SLCO3A1: variants seen among roughly 807,000 people sequenced by gnomAD.
SLCO3A1 encodes solute carrier organic anion transporter family member 3A1, also known as PGE1 transporter.
SLCO3A1 carries 27 observed loss-of-function variants against 63.1 expected under a neutral mutation model. The ratio of observed to expected loss-of-function variants is 0.43; its 90% CI spans 0.32 to 0.59. The LOEUF (loss-of-function observed/expected upper bound fraction) is 0.59. Among genes scored for constraint, SLCO3A1 ranks in the 20% least tolerant of loss-of-function variants. The pLI, the probability that SLCO3A1 is intolerant of heterozygous loss-of-function variation, is 0.09. For missense variants in SLCO3A1, 773 were observed against 945.8 expected (o/e 0.82, Z 2.40); for synonymous variants, 473 against 409.9 (o/e 1.15, Z -1.86).
In SLCO3A1 at chr15:91,883,844, G is replaced by T. The variant is rs1393708736; in HGVS notation, c.180+29756G>T. ...TTCTGTGGGTCCACACCCCGTGCCA[G>T]GCACCGTGTTACATGCATTTCTTCT... is the stretch of plus-strand genomic sequence containing the variant. On this transcript the variant is annotated intron_variant, in intron 1 of 9. Coordinates refer to ENST00000318445, the MANE Select transcript of SLCO3A1 (RefSeq NM_013272.4). The surrounding 1 kb of genome is among the most constrained non-coding windows in gnomAD (Gnocchi z 4.8). Among the ~76,000 whole-genome samples, 1 of 152,154 alleles carries T rather than the reference G, an allele frequency of 6.6e-6. No homozygotes were observed. The highest frequency in any genetic ancestry group is 2.1e-4 in the South Asian group (1 of 4,830).
At chr15:91,896,398 A>G (rs1261863961) in intron 1 of SLCO3A1, among the ~76,000 whole-genome samples, 1 of 152,246 alleles carries the variant, frequency 6.6e-6, no homozygotes, top group Non-Finnish European at 1.5e-5. Flanking sequence ...GACTCCAGGT[A>G]GAAATGACAC....
rs1409080334 is a variant in SLCO3A1, at chr15:92,171,659, C to T, written c.1997-121C>T. The T allele has an allele frequency of 4.2e-6, 3 of 712,418 alleles. No homozygotes were observed. In the East Asian group the frequency reaches 8.2e-5, roughly 19 times the overall value. The allele number at this position is 712,418 out of a possible 1,614,324, so 44.1% of individuals were successfully genotyped here. A position where few individuals can be genotyped will look rare whatever the true frequency, so the allele number is the denominator to read the frequency against. ...CCCAGCACTTTATTGCTTTGACTGCCTACTCTTGTCCCTTCACTGCAAAGC... is the reference window on the plus strand; with the variant it reads ...CCCAGCACTTTATTGCTTTGACTGCTTACTCTTGTCCCTTCACTGCAAAGC... On this transcript the variant is annotated intron_variant, in intron 10 of 10. Transcript: ENST00000424469.
chr15:91,872,669 A>C lies in SLCO3A1; in HGVS notation c.180+18581A>C, dbSNP rs1312492176. ...CTTTGATCACACCACGCCTTGAAAA[A>C]ATTCGCAGCTGAATGCTTCAGTGTC... On this transcript the variant is annotated intron_variant, in intron 1 of 9. Transcript: ENST00000318445. The surrounding 1 kb of genome is among the most constrained non-coding windows in gnomAD (Gnocchi z 4.1). Among the ~76,000 whole-genome samples, 1 of 152,224 alleles carries C rather than the reference A, an allele frequency of 6.6e-6. No individual in the cohort carries two copies. The highest frequency in any genetic ancestry group is 1.5e-5 in the Non-Finnish European group (1 of 68,030).
chr15:92,147,746 C>A (rs1304270202), intron 8 of SLCO3A1, among the ~76,000 whole-genome samples: 1 of 152,172 alleles, frequency 6.6e-6, no homozygotes, highest in Non-Finnish European at 1.5e-5. Context: ...TCTATTGTTA[C>A]CTGTCTCTGG....
intron 2 of SLCO3A1, among the ~76,000 whole-genome samples, chr15:92,070,347 A>G (rs1314776614): frequency 1.3e-5 from 2 of 152,206 alleles, no homozygotes; most frequent in African/African-American, 4.8e-5. Flanking sequence ...ACATGTCTTG[A>G]AATAATTACG....
At chr15:92,032,880 C>G (rs975151877) in intron 2 of SLCO3A1, among the ~76,000 whole-genome samples, 11 of 143,090 alleles carry the variant, frequency 7.7e-5, no homozygotes, top group African/African-American at 2.8e-4. Context: ...AATTTCAAGT[C>G]CATACAGCTG....
At chr15:91,994,064 A>G (rs1301601782) in intron 2 of SLCO3A1, among the ~76,000 whole-genome samples, 1 of 152,228 alleles carries the variant, frequency 6.6e-6, no homozygotes, top group African/African-American at 2.4e-5. Flanking sequence ...AGCTAGAACC[A>G]CTTAAATTCC....
At chr15:92,050,410 G>A (rs949207614) in intron 2 of SLCO3A1, among the ~76,000 whole-genome samples, 1 of 152,198 alleles carries the variant, frequency 6.6e-6, no homozygotes, top group African/African-American at 2.4e-5. Flanking sequence ...CTGAGCAGAT[G>A]CGATGTTGTC....
At chr15:91,939,489 C>G (rs778801139) in intron 2 of SLCO3A1, among the ~76,000 whole-genome samples, 2 of 152,136 alleles carry the variant, frequency 1.3e-5, no homozygotes, top group African/African-American at 2.4e-5. Context: ...CCCAGCTTTG[C>G]AGGGCTGGGC....
chr15:92,026,330 T>G (rs914089626), intron 2 of SLCO3A1, among the ~76,000 whole-genome samples: 1 of 152,230 alleles, frequency 6.6e-6, no homozygotes, highest in African/African-American at 2.4e-5. Flanking sequence ...GTTCCTTGTC[T>G]AATGGACTGT....
intron 2 of SLCO3A1, among the ~76,000 whole-genome samples, chr15:92,004,267 T>C (rs1015953082): frequency 6.6e-6 from 1 of 152,234 alleles, no homozygotes; most frequent in Non-Finnish European, 1.5e-5. Context: ...AGCTGTGTGA[T>C]TGTGGCATGC....
intron 9 of SLCO3A1, 132 bp downstream of exon 9, chr15:92,151,146 A>T: frequency 1.5e-6 from 1 of 686,354 alleles, no homozygotes; most frequent in Non-Finnish European, 2.4e-6. Context: ...AGTAAATAAG[A>T]AATTTTAAGT....
rs1896855574 is a variant in SLCO3A1, at chr15:91,854,329, G to A, written c.180+241G>A. On this transcript the variant is annotated intron_variant, in intron 1 of 9. Coordinates refer to ENST00000318445, the MANE Select transcript of SLCO3A1 (RefSeq NM_013272.4). This position sits in a 1 kb window ranked among gnomAD's most constrained non-coding sequence, Gnocchi z 6.4. ...AGCAGCTCGCGCGCGTCCGGCTGGG[G>A]CAGGGGGTGCCGGGGGAGGAGAGGC... is the stretch of plus-strand genomic sequence containing the variant. 3.5e-6 allele frequency: 4 copies of A among 1,138,422 alleles called. No individual in the cohort carries two copies. Among genetic ancestry groups the A allele is most frequent in the Non-Finnish European group, 4.3e-6 (4 of 927,348 alleles). The allele number at this position is 1,138,422 out of a possible 1,614,324, so 70.5% of individuals were successfully genotyped here.
chr15:92,126,547 G>A (rs1194461739), intron 6 of SLCO3A1, among the ~76,000 whole-genome samples: 1 of 152,164 alleles, frequency 6.6e-6, no homozygotes, highest in African/African-American at 2.4e-5. Flanking sequence ...AAAATGTGAA[G>A]AGAGAAAATA....
At chr15:91,926,461 C>G (rs1899013640) in intron 2 of SLCO3A1, among the ~76,000 whole-genome samples, 1 of 151,862 alleles carries the variant, frequency 6.6e-6, no homozygotes, top group Non-Finnish European at 1.5e-5. Context: ...GGTACCTTAA[C>G]TCCCTCAAAT....
At chr15:91,981,004 A>T (rs536165991) in intron 2 of SLCO3A1, among the ~76,000 whole-genome samples, 25 of 152,300 alleles carry the variant, frequency 1.6e-4, no homozygotes, top group African/African-American at 6.0e-4. Context: ...CTTGTCAAAC[A>T]CTGGCTTGGG....
Position 91,942,781 on chromosome 15 carries a change from C to T in SLCO3A1, c.646+26323C>T, listed in dbSNP as rs1899668242. ...TTCTCCATGTTGGCCAGCCTGGTCT[C>T]AAATTCCTGACCTAAAGTGATCAGG... On this transcript the variant is annotated intron_variant, in intron 2 of 9. Transcript: ENST00000318445. The surrounding 1 kb of genome is among the most constrained non-coding windows in gnomAD (Gnocchi z 4.1). Among the ~76,000 whole-genome samples the T allele has an allele frequency of 6.6e-6, 1 of 152,116 alleles. No homozygotes were observed. The highest frequency in any genetic ancestry group is 6.5e-5 in the Admixed American group (1 of 15,282).
chr15:92,076,229 G>A (rs995751727), intron 2 of SLCO3A1, among the ~76,000 whole-genome samples: 4 of 152,148 alleles, frequency 2.6e-5, no homozygotes, highest in Non-Finnish European at 5.9e-5. Flanking sequence ...TAGGGGCCCC[G>A]CTGGAGGTGA....
chr15:92,088,665 A>C (rs192406287), intron 2 of SLCO3A1, among the ~76,000 whole-genome samples: 3 of 152,198 alleles, frequency 2.0e-5, no homozygotes, highest in African/African-American at 7.2e-5. Flanking sequence ...TCCAGCTTCT[A>C]TAGGCTGCCC....
Sources: allele counts gnomAD v4.1 joint callset (sites outside exome capture counted in the v4.1 genomes callset), GRCh38; gene constraint gnomAD v4.1.1; non-coding constraint Gnocchi (gnomAD v3.1); transcripts MANE v1.5; gene names NCBI Gene and HGNC (gene_info 2026-07-23, HGNC 2026-07-21).